ANKH: variants seen among roughly 807,000 people sequenced by gnomAD.
ANKH encodes the protein ANKH inorganic pyrophosphate transport regulator, also known as mineralization regulator ANKH.
ANKH carries 15 observed loss-of-function variants against 49.0 expected under a neutral mutation model. The ratio of observed to expected loss-of-function variants is 0.31; its 90% CI spans 0.20 to 0.47. The LOEUF is 0.47. Among genes scored for constraint, ANKH ranks in the 20% least tolerant of loss-of-function variants. The pLI is 1.00. For synonymous variants in ANKH, 273 were observed against 260.0 expected, an observed-to-expected ratio of 1.05 and a Z score of -0.48; for missense variants, 429 against 652.0, an observed-to-expected ratio of 0.66 and a Z score of 3.72.
intron 1 of ANKH, among the ~76,000 whole-genome samples, chr5:14,782,674 T>C (rs574368206): frequency 3.0e-4 from 46 of 152,146 alleles, no homozygotes; most frequent in Non-Finnish European, 5.7e-4. Flanking sequence ...GGCGCAGATG[T>C]AAAGGCTGAA....
rs1739867328 is a variant in ANKH, at chr5:14,783,321, CA to C, written c.97-14131del. Among the ~76,000 whole-genome samples, 5 of 151,752 alleles carry C rather than the reference CA, an allele frequency of 3.3e-5. No homozygotes were observed. The East Asian group carries it at 7.7e-4, about 24-fold the overall frequency. On this transcript the variant is annotated intron_variant, in intron 1 of 11. Transcript: ENST00000284268. ...ACACACACACACACACACACACACA[CA>C]CACACACACCACACATGGAGATAGG...
At chr5:14,747,281 T>C (rs1204674854) in intron 6 of ANKH, among the ~76,000 whole-genome samples, 1 of 152,220 alleles carries the variant, frequency 6.6e-6, no homozygotes, top group African/African-American at 2.4e-5. Flanking sequence ...TGTGTTTCCA[T>C]GAAAACATGA....
chr5:14,800,549 A>G (rs532663384), intron 1 of ANKH, among the ~76,000 whole-genome samples: 2 of 152,338 alleles, frequency 1.3e-5, no homozygotes, highest in African/African-American at 2.4e-5. Flanking sequence ...GCAGCCATCA[A>G]TACAGAAGCA....
chr5:14,787,052 G>A (rs1003177624), intron 1 of ANKH, among the ~76,000 whole-genome samples: 9 of 152,214 alleles, frequency 5.9e-5, no homozygotes, highest in Non-Finnish European at 1.3e-4. Flanking sequence ...GGTGGCTCAC[G>A]CCTGTAATTC....
intron 1 of ANKH, among the ~76,000 whole-genome samples, chr5:14,798,560 T>C (rs1185259081): frequency 6.6e-6 from 1 of 152,092 alleles, no homozygotes; most frequent in Non-Finnish European, 1.5e-5. Context: ...TTGGCACCAT[T>C]TTTTCCAAAA....
chr5:14,812,977 T>G (rs1157006690), intron 1 of ANKH, among the ~76,000 whole-genome samples: 8 of 152,178 alleles, frequency 5.3e-5, no homozygotes, highest in Non-Finnish European at 1.0e-4. Flanking sequence ...CTGGTCATAT[T>G]AACATATGGT....
intron 9 of ANKH, among the ~76,000 whole-genome samples, chr5:14,715,813 G>A (rs1737430280): frequency 6.6e-6 from 1 of 152,216 alleles, no homozygotes; most frequent in Non-Finnish European, 1.5e-5. Context: ...TCATTCTTGT[G>A]TATAGTACAC....
Position 14,843,907 on chromosome 5 carries a change from A to G in ANKH, c.96+27445T>C, listed in dbSNP as rs1741886169. 2.0e-5 allele frequency among the ~76,000 whole-genome samples: 3 copies of G among 152,252 alleles called. 1 individual carries two copies. Among genetic ancestry groups the G allele is most frequent in the Admixed American group, 2.0e-4 (3 of 15,288 alleles). ...CATTTTGCATATAAGGTATGTAAAT[A>G]TAAGCATGAACTACTGTAGAAACCA... On this transcript the variant is annotated intron_variant, in intron 1 of 11. Transcript: ENST00000284268.
At chr5:14,843,207 G>A (rs548283060) in intron 1 of ANKH, among the ~76,000 whole-genome samples, 8 of 139,536 alleles carry the variant, frequency 5.7e-5, no homozygotes, top group East Asian at 4.1e-4. Flanking sequence ...GAAGAGACTC[G>A]TTCTGTTGCC....
In ANKH at chr5:14,749,168, C is replaced by T; in HGVS notation, c.822+4G>A. 2 of 1,613,990 alleles carry T rather than the reference C, an allele frequency of 1.2e-6. No individual in the cohort carries two copies. The highest frequency in any genetic ancestry group is 2.2e-5 in the East Asian group (1 of 44,892). On this transcript the variant is annotated splice_donor_region_variant and intron_variant, in intron 6 of 11. Transcript: ENST00000284268. ...AAGCCCCACATCCCCAAAGCATGGCCCACCTCTGTGGCTGCAGAACTGCCA... is the reference window on the plus strand; with the variant it reads ...AAGCCCCACATCCCCAAAGCATGGCTCACCTCTGTGGCTGCAGAACTGCCA...
At chr5:14,746,387 A>G (rs1364285175) in intron 6 of ANKH, among the ~76,000 whole-genome samples, 1 of 151,420 alleles carries the variant, frequency 6.6e-6, no homozygotes, top group East Asian at 1.9e-4. Flanking sequence ...GGGGTCAGAG[A>G]TGAAATTATA....
intron 1 of ANKH, among the ~76,000 whole-genome samples, chr5:14,778,746 G>A (rs1739713802): frequency 6.6e-6 from 1 of 152,092 alleles, no homozygotes; most frequent in South Asian, 2.1e-4. Flanking sequence ...GCCAAAACCT[G>A]CAACTCACTG....
chr5:14,844,678 T>C (rs1255093067), intron 1 of ANKH, among the ~76,000 whole-genome samples: 2 of 152,248 alleles, frequency 1.3e-5, no homozygotes, highest in African/African-American at 2.4e-5. Context: ...CCCCTTTCAC[T>C]GTCTGTGACT....
At chr5:14,852,189 G>A (rs1388535234) in intron 1 of ANKH, among the ~76,000 whole-genome samples, 1 of 152,240 alleles carries the variant, frequency 6.6e-6, no homozygotes, top group Non-Finnish European at 1.5e-5. Context: ...GGCCAAGGCA[G>A]GAGGATCACT....
intron 2 of ANKH, chr5:14,768,301 T>C (rs1739316376): frequency 1.3e-5 from 2 of 153,828 alleles, no homozygotes; most frequent in African/African-American, 4.8e-5. Context: ...TACCACTCAA[T>C]TTTTATGCCA....
rs767817474 is a variant in ANKH, at chr5:14,712,966, C to T, written c.1273G>A (p.Gly425Ser). ...AGGGAGCCCACGCCCAGGGTCGCAC[C>T]GTGCACCCTGCAGATGAGAACACAA... is the stretch of plus-strand genomic sequence containing the variant. ...LVVLPYLGVH[G>S]ATLGVGSLLA... Residue 425 changes from glycine to serine, a missense_variant, in exon 11 of 12, where the codon GGT (glycine) becomes AGT (serine). By Grantham distance (56) the Gly-to-Ser change is moderately conservative (BLOSUM62 0). Coordinates refer to ENST00000284268, the MANE Select transcript of ANKH (RefSeq NM_054027.6). 9 of 1,612,724 alleles carry T rather than the reference C, an allele frequency of 5.6e-6. No individual in the cohort carries two copies. The highest frequency in any genetic ancestry group is 2.7e-5 in the African/African-American group (2 of 74,916).
intron 1 of ANKH, among the ~76,000 whole-genome samples, chr5:14,850,544 T>C (rs571054498): frequency 1.3e-5 from 2 of 152,360 alleles, no homozygotes; most frequent in East Asian, 3.9e-4. Context: ...GACAGTAGGC[T>C]GGAATCACAC....
chr5:14,766,391 G>A (rs950337748), intron 2 of ANKH, among the ~76,000 whole-genome samples: 1 of 152,126 alleles, frequency 6.6e-6, no homozygotes, highest in African/African-American at 2.4e-5. Context: ...GCAAGACTCT[G>A]TCTCAAAAAC....
rs555354298 is a variant in ANKH at position 14,803,796 on chromosome 5, G to C, written c.97-34605C>G. On this transcript the variant is annotated intron_variant, in intron 1 of 11. Coordinates refer to ENST00000284268, the MANE Select transcript of ANKH (RefSeq NM_054027.6). ...TTCTACATGTCTAAAACCAACAACA[G>C]CAACCATAACTATCATGTGTTACTG... is the stretch of plus-strand genomic sequence containing the variant. Among the ~76,000 whole-genome samples, 205 of 152,220 alleles carry C rather than the reference G, an allele frequency of 1.3e-3. 2 individuals are homozygous for C. Among genetic ancestry groups the C allele is most frequent in the African/African-American group, 4.8e-3 (200 of 41,538 alleles).
Sources: allele counts gnomAD v4.1 joint callset (sites outside exome capture counted in the v4.1 genomes callset), GRCh38; gene constraint gnomAD v4.1.1; transcripts MANE v1.5; gene names NCBI Gene and HGNC (gene_info 2026-07-23, HGNC 2026-07-21).